FOLH1: variants seen among roughly 807,000 people sequenced by gnomAD.
FOLH1 encodes the protein folate hydrolase 1, also known as glutamate carboxypeptidase 2.
In FOLH1, 54 loss-of-function variants were observed where a neutral mutation model predicts 93.9. The observed-to-expected ratio is 0.57, with a 90% CI of 0.46 to 0.72. FOLH1 has a LOEUF of 0.72. FOLH1 is among the 30% of genes least tolerant of loss of function. The pLI is 0.00. For missense variants in FOLH1, 571 were observed against 892.5 expected (o/e 0.64, Z 4.59); for synonymous variants, 249 against 303.6 (o/e 0.82, Z 1.87).
rs1310085184 is a variant in FOLH1, at chr11:49,172,493, T to A, written c.1225+864A>T. Among the ~76,000 whole-genome samples the A allele has an allele frequency of 2.6e-5, 4 of 152,124 alleles. No homozygotes were observed. In the East Asian group the frequency reaches 7.7e-4, roughly 29 times the overall value. On this transcript the variant is annotated intron_variant, in intron 10 of 18. Transcript: ENST00000256999. ...CATAATCCTGGGGAAATTACTTGAT[T>A]CTCTAAACCTTGGTTAACCTATCTG...
At chr11:49,153,804 T>TAC in intron 17 of FOLH1, 42 bp downstream of exon 17, 2 of 1,266,714 alleles carry the variant, frequency 1.6e-6, no homozygotes, top group Non-Finnish European at 2.1e-6. Context: ...TATATATATA[T>TAC]ACACACACAT....
rs1855736355 is a variant in FOLH1 at position 49,145,254 on chromosome 11, T to C, written c.*1502A>G. The stretch of plus-strand genomic sequence containing the variant: ...TGTTAAACTTTGTGAGTAGAAGGCA[T>C]TGGAGAGATGTTCCAAGAGGGTGCT... On this transcript the variant is annotated 3_prime_UTR_variant, in exon 19 of 19. Transcript: ENST00000256999. Among the ~76,000 whole-genome samples the C allele has an allele frequency of 6.6e-6, 1 of 152,144 alleles. No individual in the cohort carries two copies. The highest frequency in any genetic ancestry group is 2.1e-4 in the South Asian group (1 of 4,834).
intron 15 of FOLH1, among the ~76,000 whole-genome samples, chr11:49,155,194 T>A (rs907873272): frequency 6.6e-6 from 1 of 152,184 alleles, no homozygotes. Context: ...GATTCTGGAA[T>A]TACCCTGCCA....
chr11:49,197,618 C>T (rs1862759806), intron 3 of FOLH1, among the ~76,000 whole-genome samples: 1 of 152,086 alleles, frequency 6.6e-6, no homozygotes, highest in Admixed American at 6.5e-5. Flanking sequence ...GGATGGAGAA[C>T]TTGTCTGTTT....
intron 7 of FOLH1, among the ~76,000 whole-genome samples, chr11:49,177,997 C>T (rs917165698): frequency 4.0e-5 from 6 of 151,620 alleles, no homozygotes; most frequent in African/African-American, 1.5e-4. Flanking sequence ...AAAAGGCTAC[C>T]TGGGGGCCAG....
intron 18 of FOLH1, among the ~76,000 whole-genome samples, chr11:49,148,186 T>C (rs1400220476): frequency 6.6e-6 from 1 of 151,620 alleles, no homozygotes; most frequent in Non-Finnish European, 1.5e-5. Context: ...TATCTAAATA[T>C]CAACATTAGG....
At chr11:49,166,311 C>A (rs1858402308) in intron 12 of FOLH1, among the ~76,000 whole-genome samples, 1 of 152,176 alleles carries the variant, frequency 6.6e-6, no homozygotes, top group South Asian at 2.1e-4. Context: ...TTGGAACAGA[C>A]CAGTCTGATT....
At chr11:49,175,824 C>T in intron 8 of FOLH1, 35 bp downstream of exon 8, 1 of 1,571,936 alleles carries the variant, frequency 6.4e-7, no homozygotes, top group East Asian at 2.2e-5. Flanking sequence ...TAAGTCTCCC[C>T]CTTAAAAGAG....
At chr11:49,157,498 T>A (rs984778428) in intron 14 of FOLH1, among the ~76,000 whole-genome samples, 1 of 151,954 alleles carries the variant, frequency 6.6e-6, no homozygotes, top group African/African-American at 2.4e-5. Context: ...TAGAACATTT[T>A]AAAAAATGCT....
At position 49,173,346 on chromosome 11, in the gene FOLH1, G is replaced by A. The variant is rs201268921; in HGVS notation, c.1225+11C>T. 1.2e-6 allele frequency: 2 copies of A among 1,600,284 alleles called. No homozygotes were observed. The highest frequency in any genetic ancestry group is 1.7e-6 in the Non-Finnish European group (2 of 1,172,830). On this transcript the variant is annotated intron_variant, in intron 10 of 18. Transcript: ENST00000256999. ...TAGGCTGTTTTTTTTCTTGCTGTTT[G>A]TTTGTATTACCTTCCTTTTTCAGTG...
At chr11:49,195,726 G>A (rs909732412) in intron 3 of FOLH1, among the ~76,000 whole-genome samples, 4 of 151,940 alleles carry the variant, frequency 2.6e-5, no homozygotes, top group African/African-American at 7.3e-5. Context: ...TTAAAAAGAG[G>A]CACATCTACA....
intron 15 of FOLH1, among the ~76,000 whole-genome samples, chr11:49,155,260 C>T (rs1458317849): frequency 1.3e-5 from 2 of 152,062 alleles, no homozygotes; most frequent in Non-Finnish European, 2.9e-5. Context: ...GGTCATTTGA[C>T]TTTTCTTTGT....
intron 15 of FOLH1, among the ~76,000 whole-genome samples, chr11:49,156,277 A>G (rs1857027294): frequency 6.6e-6 from 1 of 152,052 alleles, no homozygotes; most frequent in Non-Finnish European, 1.5e-5. Context: ...TTGTTTAATG[A>G]CTTGTTATTT....
intron 13 of FOLH1, among the ~76,000 whole-genome samples, chr11:49,160,996 C>T (rs7117750): frequency 0.018 from 2,713 of 151,888 alleles, 35 homozygotes; most frequent in Non-Finnish European, 0.029. Context: ...GTACAAGAGA[C>T]GTTTTTAATT....
Position 49,208,293 on chromosome 11 carries a change from G to A in FOLH1, c.117C>T (p.Phe39=), listed in dbSNP as rs759774909. ...TTGCTCCGCGAGGCGCCCCCCTACC[G>A]AAGAGGAAGCCGAGGAGAAAGAAGC... ...AGGFFLLGFL[F]GWFIKSSNEA... is the part of the protein sequence containing the mutation. Residue 39 remains phenylalanine (F), a splice_region_variant and synonymous_variant, in exon 1 of 19, where the codon TTC becomes TTT. Coordinates refer to ENST00000256999, the MANE Select transcript of FOLH1 (RefSeq NM_004476.3). 2 of 1,554,880 alleles carry A rather than the reference G, an allele frequency of 1.3e-6. No individual in the cohort carries two copies. Among genetic ancestry groups the A allele is most frequent in the South Asian group, 2.3e-5 (2 of 85,330 alleles).
At chr11:49,184,001 T>C (rs1322699103) in intron 6 of FOLH1, among the ~76,000 whole-genome samples, 1 of 152,216 alleles carries the variant, frequency 6.6e-6, no homozygotes, top group African/African-American at 2.4e-5. Context: ...TTTTATTGCA[T>C]GTAAACTGTA....
chr11:49,161,191 A>T (rs1326720769), intron 13 of FOLH1, among the ~76,000 whole-genome samples: 1 of 152,090 alleles, frequency 6.6e-6, no homozygotes, highest in Non-Finnish European at 1.5e-5. Flanking sequence ...TTGTTATTTT[A>T]TGTCTTGAAA....
At chr11:49,159,813 G>A (rs562566631) in intron 13 of FOLH1, among the ~76,000 whole-genome samples, 9 of 151,950 alleles carry the variant, frequency 5.9e-5, no homozygotes, top group Non-Finnish European at 1.3e-4. Context: ...CAGAACTCAT[G>A]ATTGGCCTGT....
chr11:49,159,770 T>G (rs1857467331), intron 13 of FOLH1, among the ~76,000 whole-genome samples: 1 of 152,204 alleles, frequency 6.6e-6, no homozygotes, highest in Non-Finnish European at 1.5e-5. Context: ...TGGCTTTTTT[T>G]GGTTGGTAAG....
Sources: gnomAD v4.1 joint callset for allele counts (sites outside exome capture counted in the v4.1 genomes callset) on GRCh38, gnomAD v4.1.1 for gene constraint, MANE v1.5 for transcripts, NCBI Gene and HGNC (gene_info 2026-07-23, HGNC 2026-07-21) for gene names.